DAB1: variants seen among roughly 807,000 people sequenced by gnomAD.
DAB1 encodes the protein disabled homolog 1.
DAB1 carries 15 observed loss-of-function variants against 64.6 expected under a neutral mutation model. The observed-to-expected ratio is 0.23, with a 90% CI of 0.16 to 0.36. The LOEUF is 0.36. Among genes scored for constraint, DAB1 ranks in the 10% least tolerant of loss-of-function variants. The pLI is 1.00. For missense variants in DAB1, 596 were observed against 706.7 expected (o/e 0.84, Z 1.78); for synonymous variants, 235 against 251.9 (o/e 0.93, Z 0.64).
At chr1:58,059,669 G>A (rs1369634255) in intron 5 of DAB1, among the ~76,000 whole-genome samples, 1 of 152,200 alleles carries the variant, frequency 6.6e-6, no homozygotes. Flanking sequence ...ACAGTCTAAT[G>A]GCATAAACAA....
intron 4 of DAB1, among the ~76,000 whole-genome samples, chr1:58,209,169 G>C (rs1329973935): frequency 6.6e-6 from 1 of 152,182 alleles, no homozygotes; most frequent in East Asian, 1.9e-4. Context: ...ATGCATTATA[G>C]AATGTGAGCT....
chr1:58,208,830 A>G (rs112426444), intron 4 of DAB1, among the ~76,000 whole-genome samples: 3 of 152,274 alleles, frequency 2.0e-5, no homozygotes, highest in African/African-American at 7.2e-5. Context: ...ATCAAATGGT[A>G]GATCTACCTT....
chr1:58,524,658 T>C (rs1646321699), intron 2 of DAB1, among the ~76,000 whole-genome samples: 1 of 152,240 alleles, frequency 6.6e-6, no homozygotes, highest in Non-Finnish European at 1.5e-5. Flanking sequence ...TATGTTGAAA[T>C]GGCAGGCAAC....
intron 3 of DAB1, among the ~76,000 whole-genome samples, chr1:58,425,359 A>G (rs1454729270): frequency 6.6e-6 from 1 of 152,266 alleles, no homozygotes; most frequent in African/African-American, 2.4e-5. Flanking sequence ...TCTAGCTGTC[A>G]CAGGGTCCAG....
intron 5 of DAB1, among the ~76,000 whole-genome samples, chr1:58,031,989 CGTGTGTGTGTGTGTGTGTGT>C (rs59449665): frequency 0.022 from 3,097 of 141,968 alleles, 98 homozygotes; most frequent in East Asian, 0.11. Flanking sequence ...CTGATAGAAA[CGTGTGTGTGTGTGTGTGTGT>C]GTGTGTGTGT....
intron 4 of DAB1, among the ~76,000 whole-genome samples, chr1:57,087,425 G>A (rs1653199064): frequency 6.6e-6 from 1 of 152,230 alleles, no homozygotes; most frequent in African/African-American, 2.4e-5. Context: ...GAGAAGGGGA[G>A]AGAAGTACAC....
At chr1:57,381,515 C>A (rs1239045687) in intron 1 of DAB1, among the ~76,000 whole-genome samples, 1 of 152,164 alleles carries the variant, frequency 6.6e-6, no homozygotes, top group African/African-American at 2.4e-5. Context: ...ATTACTCATG[C>A]AGAATGCTTG....
chr1:57,038,473 G>A (rs564305631), intron 9 of DAB1, among the ~76,000 whole-genome samples: 37 of 152,234 alleles, frequency 2.4e-4, no homozygotes, highest in African/African-American at 7.9e-4. Context: ...TTTGGGGATC[G>A]GTGGTCTTGC....
At chr1:57,883,798 C>G (rs1461866237) in intron 1 of DAB1, among the ~76,000 whole-genome samples, 1 of 152,232 alleles carries the variant, frequency 6.6e-6, no homozygotes, top group Non-Finnish European at 1.5e-5. Flanking sequence ...TTAGATTCCG[C>G]TGGCTACCGC....
At chr1:58,227,541 A>C (rs1220798369) in intron 4 of DAB1, among the ~76,000 whole-genome samples, 1 of 152,178 alleles carries the variant, frequency 6.6e-6, no homozygotes, top group Non-Finnish European at 1.5e-5. Flanking sequence ...CCAGCCCCAC[A>C]CCCACAGCAC....
chr1:58,467,146 T>A lies in DAB1; in HGVS notation n.257+38914A>T, dbSNP rs138473406. Reference sequence around the variant, plus strand: ...AATTCACTGAGCCTTAGTTTCCTTATCTGTGAAAAGCAGTGATAATGCCGA... The same window carrying A: ...AATTCACTGAGCCTTAGTTTCCTTAACTGTGAAAAGCAGTGATAATGCCGA... On this transcript the variant is annotated intron_variant and non_coding_transcript_variant, in intron 3 of 20. Coordinates refer to the DAB1 transcript ENST00000485760. 4.0e-3 allele frequency among the ~76,000 whole-genome samples: 605 copies of A among 152,296 alleles called. 1 individual carries two copies. Among genetic ancestry groups the A allele is most frequent in the Middle Eastern group, 0.01 (3 of 294 alleles).
At chr1:57,840,558 AAAG>A (rs1011127717) in intron 1 of DAB1, among the ~76,000 whole-genome samples, 36 of 152,326 alleles carry the variant, frequency 2.4e-4, no homozygotes, top group African/African-American at 6.3e-4. Flanking sequence ...TATGAAAAAA[AAAG>A]AAGTTTAATT....
intron 3 of DAB1, among the ~76,000 whole-genome samples, chr1:58,355,819 G>T (rs1220377383): frequency 6.6e-6 from 1 of 152,152 alleles, no homozygotes; most frequent in African/African-American, 2.4e-5. Flanking sequence ...AGCAAGTAAT[G>T]CCTCTAATCG....
chr1:57,291,094 T>TTCTCCAAGAGAAAGACTCC lies in DAB1; in HGVS notation c.-83_-65dup. 1 of 1,119,400 alleles carries TTCTCCAAGAGAAAGACTCC rather than the reference T, an allele frequency of 8.9e-7. No individual in the cohort carries two copies. The highest frequency in any genetic ancestry group is 1.3e-6 in the Non-Finnish European group (1 of 765,564). 69.3% of individuals were successfully genotyped at this position (1,119,400 alleles called of 1,614,324 possible). A position where few individuals can be genotyped will look rare whatever the true frequency, so the allele number is the denominator to read the frequency against. On this transcript the variant is annotated 5_prime_UTR_variant, in exon 2 of 15. The change abolishes the stop of an existing upstream ORF in the 5' untranslated region. Transcript: ENST00000371236. ...CCTCGGCCAGGCTCATTGAGGACTC[T>TTCTCCAAGAGAAAGACTCC]TCTCCAAGAGAAAGACTCCTCCCTT...
At chr1:57,157,582 G>A (rs1048642657) in intron 2 of DAB1, among the ~76,000 whole-genome samples, 2 of 118,806 alleles carry the variant, frequency 1.7e-5, no homozygotes, top group Non-Finnish European at 3.5e-5. Context: ...GAGAGAGAGA[G>A]AGAGAGAGAG....
intron 4 of DAB1, among the ~76,000 whole-genome samples, chr1:57,076,377 A>T (rs989818198): frequency 1.1e-4 from 17 of 152,192 alleles, no homozygotes; most frequent in African/African-American, 4.1e-4. Flanking sequence ...CCAAAATCAA[A>T]GCAGGTATTT....
At chr1:57,498,599 G>A (rs1225587772) in intron 7 of DAB1, among the ~76,000 whole-genome samples, 11 of 152,166 alleles carry the variant, frequency 7.2e-5, no homozygotes, top group Non-Finnish European at 1.6e-4. Flanking sequence ...ATCACTTGAT[G>A]ACTTTAATGA....
intron 7 of DAB1, among the ~76,000 whole-genome samples, chr1:57,602,298 A>T (rs536928223): frequency 6.6e-6 from 1 of 152,310 alleles, no homozygotes; most frequent in Non-Finnish European, 1.5e-5. Context: ...GGTAGGATAG[A>T]TACGATGATC....
At chr1:58,182,698 C>A (rs939124047) in intron 4 of DAB1, among the ~76,000 whole-genome samples, 1 of 151,866 alleles carries the variant, frequency 6.6e-6, no homozygotes, top group African/African-American at 2.4e-5. Context: ...TATAATAATA[C>A]TTTCCATTCA....
Sources: allele counts gnomAD v4.1 joint callset (sites outside exome capture counted in the v4.1 genomes callset), GRCh38; gene constraint gnomAD v4.1.1; transcripts MANE v1.5; gene names NCBI Gene and HGNC (gene_info 2026-07-23, HGNC 2026-07-21).